Variants in CAAP1 observed in about 807,000 individuals in gnomAD.
CAAP1 encodes conserved anti-apoptotic protein.
CAAP1 carries 20 observed loss-of-function variants against 34.0 expected under a neutral mutation model. The ratio of observed to expected loss-of-function variants is 0.59; its 90% CI spans 0.41 to 0.86. CAAP1 has a LOEUF of 0.86. Among genes scored for constraint, CAAP1 ranks in the 40% least tolerant of loss-of-function variants. The pLI is 0.00. For missense variants in CAAP1, 538 were observed against 450.5 expected, an observed-to-expected ratio of 1.19 and a Z score of -1.76; for synonymous variants, 213 against 166.7, an observed-to-expected ratio of 1.28 and a Z score of -2.14.
chr9:26,891,721 G>C (rs1823907170), intron 1 of CAAP1, among the ~76,000 whole-genome samples: 1 of 152,172 alleles, frequency 6.6e-6, no homozygotes, highest in African/African-American at 2.4e-5. Flanking sequence ...CTTAAGTGTA[G>C]GAACTTAAAA....
In CAAP1 at chr9:26,876,472, G is replaced by GGTTTTTTTTTTTTT. The variant is rs1554652213; in HGVS notation, c.665+8337_665+8338insAAAAAAAAAAAAAC. Among the ~76,000 whole-genome samples the GGTTTTTTTTTTTTT allele has an allele frequency of 4.8e-5, 6 of 125,714 alleles. 1 individual carries two copies. Among genetic ancestry groups the GGTTTTTTTTTTTTT allele is most frequent in the Non-Finnish European group, 7.0e-5 (4 of 57,272 alleles). 82.5% of individuals were successfully genotyped at this position (125,714 alleles called of 152,430 possible). A position where few individuals can be genotyped will look rare whatever the true frequency, so the allele number is the denominator to read the frequency against. On this transcript the variant is annotated intron_variant, in intron 4 of 5. Coordinates refer to ENST00000333916, the MANE Select transcript of CAAP1 (RefSeq NM_024828.4). ...TTCTATCATATATGCATTCTAGAAG[G>GGTTTTTTTTTTTTT]TTTTTTTTTTTTTTTTTTTGAGATT...
At chr9:26,843,967 A>G (rs1326020008) in intron 5 of CAAP1, among the ~76,000 whole-genome samples, 3 of 152,244 alleles carry the variant, frequency 2.0e-5, no homozygotes, top group Non-Finnish European at 2.9e-5. Flanking sequence ...AAAGCAACAA[A>G]TATTTCCAAA....
chr9:26,881,162 CAG>C (rs1258787764), intron 4 of CAAP1, among the ~76,000 whole-genome samples: 1 of 152,180 alleles, frequency 6.6e-6, no homozygotes, highest in Admixed American at 6.5e-5. Flanking sequence ...TTTGTAGAGA[CAG>C]GGTCTCACTA....
Position 26,887,347 on chromosome 9 carries a change from T to C in CAAP1, c.470A>G (p.Lys157Arg), listed in dbSNP as rs768781935. Reference sequence around the variant, plus strand: ...ATCAGGAAGCATCTTCTGTAACTTTTTCTCTCCTATAATACAGAAGCACTG... The same window carrying C: ...ATCAGGAAGCATCTTCTGTAACTTTCTCTCTCCTATAATACAGAAGCACTG... ...LQQCFCIIGE[K>R]KLQKMLPDVL... Residue 157 changes from lysine to arginine, a missense_variant, in exon 2 of 6, where the codon AAA (lysine) becomes AGA (arginine). Transcript: ENST00000333916. The C allele has an allele frequency of 3.2e-5, 52 of 1,606,832 alleles. No homozygotes were observed. The highest frequency in any genetic ancestry group is 4.3e-5 in the Non-Finnish European group (50 of 1,176,352).
At chr9:26,845,370 C>T (rs1194885078) in intron 5 of CAAP1, among the ~76,000 whole-genome samples, 1 of 152,054 alleles carries the variant, frequency 6.6e-6, no homozygotes, top group Non-Finnish European at 1.5e-5. Flanking sequence ...GAGATATTTC[C>T]TTAACATGAT....
At chr9:26,872,884 A>C (rs1338765827) in intron 4 of CAAP1, among the ~76,000 whole-genome samples, 1 of 152,138 alleles carries the variant, frequency 6.6e-6, no homozygotes, top group Non-Finnish European at 1.5e-5. Flanking sequence ...TTGAAATTAA[A>C]ATTTGGTAAC....
chr9:26,890,953 C>CAA (rs111496689), intron 1 of CAAP1, among the ~76,000 whole-genome samples: 12 of 150,780 alleles, frequency 8.0e-5, no homozygotes, highest in African/African-American at 2.7e-4. Flanking sequence ...TCAAAAAAAA[C>CAA]AAAAAAAAAG....
chr9:26,853,764 G>A (rs368770090), intron 5 of CAAP1, among the ~76,000 whole-genome samples: 1 of 152,134 alleles, frequency 6.6e-6, no homozygotes, highest in Admixed American at 6.5e-5. Context: ...GTCTGGTCTC[G>A]GCAGCACAAA....
At chr9:26,869,391 T>C (rs1823218780) in intron 4 of CAAP1, among the ~76,000 whole-genome samples, 1 of 152,190 alleles carries the variant, frequency 6.6e-6, no homozygotes. Flanking sequence ...TCTTTGGATA[T>C]GGGGCCATGG....
intron 4 of CAAP1, among the ~76,000 whole-genome samples, chr9:26,871,134 AC>A (rs762258424): frequency 6.6e-6 from 1 of 152,140 alleles, no homozygotes; most frequent in Non-Finnish European, 1.5e-5. Flanking sequence ...AACACCATTG[AC>A]CCTCTGAAAG....
intron 1 of CAAP1, chr9:26,892,195 T>A: frequency 1.5e-6 from 2 of 1,292,818 alleles, no homozygotes; most frequent in Non-Finnish European, 2.0e-6. Flanking sequence ...AAAAAAAAAG[T>A]GATCAGGAAA....
intron 5 of CAAP1, among the ~76,000 whole-genome samples, chr9:26,847,402 G>A (rs1451276266): frequency 6.6e-6 from 1 of 151,488 alleles, no homozygotes; most frequent in African/African-American, 2.4e-5. Context: ...TTTTGGTAGA[G>A]ACGGGGTTTC....
At chr9:26,891,077 C>G (rs976484144) in intron 1 of CAAP1, among the ~76,000 whole-genome samples, 2 of 152,218 alleles carry the variant, frequency 1.3e-5, no homozygotes, top group African/African-American at 4.8e-5. Flanking sequence ...ACTAACTTAT[C>G]AACAAATTAC....
chr9:26,879,680 T>C (rs765647782), intron 4 of CAAP1, among the ~76,000 whole-genome samples: 2 of 152,188 alleles, frequency 1.3e-5, no homozygotes, highest in African/African-American at 2.4e-5. Flanking sequence ...CAGGAAAAGA[T>C]GTAAGAGTAG....
intron 4 of CAAP1, among the ~76,000 whole-genome samples, chr9:26,864,089 C>T (rs1204836413): frequency 6.6e-6 from 1 of 152,078 alleles, no homozygotes; most frequent in African/African-American, 2.4e-5. Context: ...TAACTCACTT[C>T]TCCTATCTCC....
In CAAP1 at chr9:26,892,500, G is replaced by A. The variant is rs2131350256; in HGVS notation, c.216C>T (p.Ser72=). 1.3e-6 allele frequency: 2 copies of A among 1,565,562 alleles called. No homozygotes were observed. The highest frequency in any genetic ancestry group is 2.7e-5 in the African/African-American group (2 of 73,846). The change falls in exon 1 of 6, where the codon AGC becomes AGT. Residue 72 remains serine, a synonymous_variant. Coordinates refer to ENST00000333916, the MANE Select transcript of CAAP1 (RefSeq NM_024828.4). ...GCTCCACGCTGCTCCCGCCCCAACA[G>A]CTGCCGCCGCTCCCACCGCCGGTGA... ...GSVTGGGSGG[S]CWGGSSVERS...
At chr9:26,877,291 T>C (rs1278468697) in intron 4 of CAAP1, among the ~76,000 whole-genome samples, 1 of 151,858 alleles carries the variant, frequency 6.6e-6, no homozygotes, top group African/African-American at 2.4e-5. Flanking sequence ...TTCCAAAATC[T>C]GAAAAAAAAA....
At chr9:26,858,453 T>C (rs956592144) in intron 5 of CAAP1, among the ~76,000 whole-genome samples, 2 of 152,236 alleles carry the variant, frequency 1.3e-5, no homozygotes, top group South Asian at 2.1e-4. Flanking sequence ...TTATCCATTA[T>C]GCAATAAAAC....
intron 5 of CAAP1, among the ~76,000 whole-genome samples, chr9:26,847,112 G>C (rs982718166): frequency 7.1e-6 from 1 of 141,312 alleles, no homozygotes; most frequent in Non-Finnish European, 1.5e-5. Flanking sequence ...AATATATCTT[G>C]GTCATTTTTT....
Sources: allele counts gnomAD v4.1 joint callset (sites outside exome capture counted in the v4.1 genomes callset), GRCh38; gene constraint gnomAD v4.1.1; transcripts MANE v1.5; gene names NCBI Gene and HGNC (gene_info 2026-07-23, HGNC 2026-07-21).